The following DCAF12 variants were observed in gnomAD, a reference collection of about 807,000 sequenced individuals.
DCAF12 encodes DDB1- and CUL4-associated factor 12.
In DCAF12, 28 loss-of-function variants were observed where a neutral mutation model predicts 52.8. The observed-to-expected ratio is 0.53, with a 90% CI of 0.39 to 0.73. DCAF12 has a LOEUF of 0.73. DCAF12 is among the 30% of genes least tolerant of loss of function. The probability of loss-of-function intolerance (pLI) is 0.00; values close to 1 mark genes in which losing one functional copy is unlikely to be tolerated. For synonymous variants in DCAF12, 196 were observed against 215.5 expected, an observed-to-expected ratio of 0.91 and a Z score of 0.79; for missense variants, 425 against 552.2, an observed-to-expected ratio of 0.77 and a Z score of 2.31.
rs373278094 is a variant in DCAF12, at chr9:34,116,772, G to C, written c.333+8251C>G. Among the ~76,000 whole-genome samples, 4 of 152,310 alleles carry C rather than the reference G, an allele frequency of 2.6e-5. No homozygotes were observed. In the East Asian group the frequency reaches 5.8e-4, roughly 22 times the overall value. ...GAGGGGGGCAGATCACTCTAGGTCA[G>C]AAGTTTGAGACCATCCTGGCCAACA... On this transcript the variant is annotated intron_variant, in intron 2 of 8. Transcript: ENST00000361264.
At chr9:34,102,922 C>A (rs1433300226) in intron 4 of DCAF12, among the ~76,000 whole-genome samples, 1 of 151,212 alleles carries the variant, frequency 6.6e-6, no homozygotes, top group Non-Finnish European at 1.5e-5. Flanking sequence ...CAAAAAAATA[C>A]AAAAAACTAG....
In DCAF12 at chr9:34,126,469, G is replaced by A. The variant is rs760784395; in HGVS notation, c.-38C>T. ...CGCCGCGGCCCCGCAGCCACATGGG[G>A]CGGGGGAAGCGAAGGATAGCAGGAC... On this transcript the variant is annotated 5_prime_UTR_variant, in exon 1 of 9. Transcript: ENST00000361264. 1.3e-6 allele frequency: 2 copies of A among 1,591,730 alleles called. No homozygotes were observed. The highest frequency in any genetic ancestry group is 1.1e-5 in the South Asian group (1 of 89,570).
chr9:34,102,460 AGACCGACCT>A, intron 4 of DCAF12, among the ~76,000 whole-genome samples: 1 of 151,878 alleles, frequency 6.6e-6, no homozygotes, highest in Non-Finnish European at 1.5e-5. Context: ...CAGGAGTTTG[AGACCGACCT>A]GACCAACATG....
chr9:34,111,589 G>A (rs1829004336), intron 2 of DCAF12, among the ~76,000 whole-genome samples: 1 of 152,190 alleles, frequency 6.6e-6, no homozygotes, highest in South Asian at 2.1e-4. Context: ...CAGAGGGCCT[G>A]CCCAACTACT....
rs778665963 is a variant in DCAF12, at chr9:34,126,333, T to G, written c.78+21A>C. On this transcript the variant is annotated intron_variant, in intron 1 of 8. Transcript: ENST00000361264. Reference sequence around the variant, plus strand: ...TGGTTCCTCAGCCTCACCACCCAGGTGCCGGCCTCTCAACCCTCACCTGCG... The same window carrying G: ...TGGTTCCTCAGCCTCACCACCCAGGGGCCGGCCTCTCAACCCTCACCTGCG... The G allele has an allele frequency of 1.9e-6, 3 of 1,611,658 alleles. No individual in the cohort carries two copies. The African/African-American group carries it at 4.0e-5, about 21-fold the overall frequency.
At chr9:34,095,143 C>T (rs961082441) in intron 6 of DCAF12, among the ~76,000 whole-genome samples, 9 of 151,428 alleles carry the variant, frequency 5.9e-5, no homozygotes, top group African/African-American at 1.7e-4. Flanking sequence ...GGCATGATCT[C>T]GGCTCACTGC....
chr9:34,093,853 T>G (rs1024132278), intron 6 of DCAF12: 25 of 177,506 alleles, frequency 1.4e-4, no homozygotes, highest in Non-Finnish European at 1.5e-4. Flanking sequence ...AAGAGGCTGA[T>G]CTCTGGCTAC....
rs545052394 is a variant in DCAF12 at position 34,125,855 on chromosome 9, C to T, written c.78+499G>A. ...TCTATGTCCAAGAAGGCCTTCCCCTCCAAAGGGGGCGGCATAGAGATGATA... is the reference window on the plus strand; with the variant it reads ...TCTATGTCCAAGAAGGCCTTCCCCTTCAAAGGGGGCGGCATAGAGATGATA... On this transcript the variant is annotated intron_variant, in intron 1 of 8. Transcript: ENST00000361264. 54 of 286,170 alleles carry T rather than the reference C, an allele frequency of 1.9e-4. 1 individual carries two copies. Among genetic ancestry groups the T allele is most frequent in the African/African-American group, 9.8e-4 (45 of 45,924 alleles). 17.7% of individuals were successfully genotyped at this position (286,170 alleles called of 1,614,324 possible). A position where few individuals can be genotyped will look rare whatever the true frequency, so the allele number is the denominator to read the frequency against.
intron 1 of DCAF12, among the ~76,000 whole-genome samples, chr9:34,125,928 C>G (rs986715601): frequency 6.6e-6 from 1 of 152,190 alleles, no homozygotes; most frequent in Non-Finnish European, 1.5e-5. Flanking sequence ...AAAGGCCCAG[C>G]TCAGGGTTGG....
intron 7 of DCAF12, among the ~76,000 whole-genome samples, chr9:34,091,421 T>C (rs1404122550): frequency 4.6e-5 from 7 of 151,434 alleles, no homozygotes; most frequent in Non-Finnish European, 8.8e-5. Context: ...CTGAGGTGGG[T>C]GTCCCAAGAG....
rs201474188 is a variant in DCAF12 at position 34,125,007 on chromosome 9, C to T, written c.333+16G>A. The T allele has an allele frequency of 1.2e-4, 194 of 1,611,646 alleles. 1 individual carries two copies. The East Asian group carries it at 4.0e-3, about 33-fold the overall frequency. Reference sequence around the variant, plus strand: ...CCACGACCTAGGAGAGAGGTCACATCCCCCCAGGCACTTACCGTGTTGCAT... The same window carrying T: ...CCACGACCTAGGAGAGAGGTCACATTCCCCCAGGCACTTACCGTGTTGCAT... On this transcript the variant is annotated intron_variant, in intron 2 of 8. Transcript: ENST00000361264.
chr9:34,115,988 C>G (rs1016860071), intron 2 of DCAF12, among the ~76,000 whole-genome samples: 23 of 152,150 alleles, frequency 1.5e-4, no homozygotes, highest in African/African-American at 5.6e-4. Flanking sequence ...TTTAGTAATA[C>G]AAAACATGGC....
chr9:34,117,743 C>T (rs1311840657), intron 2 of DCAF12, among the ~76,000 whole-genome samples: 1 of 152,030 alleles, frequency 6.6e-6, no homozygotes, highest in African/African-American at 2.4e-5. Context: ...GGAGAAACCC[C>T]ATCTCCACTA....
At chr9:34,094,606 C>T (rs1431259546) in intron 6 of DCAF12, among the ~76,000 whole-genome samples, 1 of 150,618 alleles carries the variant, frequency 6.6e-6, no homozygotes, top group Non-Finnish European at 1.5e-5. Context: ...TCTCAGCTCA[C>T]TGCAAGCTCC....
chr9:34,093,327 G>C lies in DCAF12; in HGVS notation c.983C>G (p.Ser328Ter). 1 of 1,614,234 alleles carries C rather than the reference G, an allele frequency of 6.2e-7. No homozygotes were observed. The highest frequency in any genetic ancestry group is 8.5e-7 in the Non-Finnish European group (1 of 1,180,052). The change falls in exon 7 of 9, where the codon TCA (serine) becomes TGA (stop). Residue 328 changes from serine to a stop codon, truncating the protein, a stop_gained. Transcript: ENST00000361264. LOFTEE classifies it high-confidence loss of function. ...HVSFLDPRQP[S>*]YNVKSVCSRE... ...GGAACAGACAGACTTGACGTTGTAT[G>C]ATGGCTGCCGTGGATCCAAGAAGGA...
chr9:34,124,992 G>T, intron 2 of DCAF12, 31 bp downstream of exon 2: 1 of 1,610,878 alleles, frequency 6.2e-7, no homozygotes, highest in Non-Finnish European at 8.5e-7. Context: ...CCACGACCTA[G>T]GAGAGAGGTC....
chr9:34,115,895 C>T (rs373541525), intron 2 of DCAF12, among the ~76,000 whole-genome samples: 8 of 152,132 alleles, frequency 5.3e-5, no homozygotes, highest in South Asian at 4.2e-4. Context: ...CCTTTAACGG[C>T]GATAAGGTAG....
chr9:34,125,577 G>A, intron 1 of DCAF12: 1 of 508,688 alleles, frequency 2.0e-6, no homozygotes, highest in Non-Finnish European at 4.0e-6. Flanking sequence ...AAGATTGAAG[G>A]AAATGAGAGG....
chr9:34,091,801 A>C (rs1379530562), intron 7 of DCAF12, among the ~76,000 whole-genome samples: 3 of 152,158 alleles, frequency 2.0e-5, no homozygotes, highest in Non-Finnish European at 2.9e-5. Flanking sequence ...TTGCATGAGA[A>C]ATGGGATAAA....
Sources: allele counts gnomAD v4.1 joint callset (sites outside exome capture counted in the v4.1 genomes callset), GRCh38; gene constraint gnomAD v4.1.1; transcripts MANE v1.5; gene names NCBI Gene and HGNC (gene_info 2026-07-23, HGNC 2026-07-21).